The following KCNN2 variants were observed in gnomAD, a reference collection of about 807,000 sequenced individuals.
KCNN2 encodes the protein potassium calcium-activated channel subfamily N member 2.
In KCNN2, 24 loss-of-function variants were observed where a neutral mutation model predicts 55.5. The ratio of observed to expected loss-of-function variants is 0.43; its 90% CI spans 0.31 to 0.61. The LOEUF (loss-of-function observed/expected upper bound fraction) is 0.61. Ranked by LOEUF, KCNN2 falls within the 20% of genes least tolerant of loss-of-function variation. KCNN2 has a pLI of 0.08. For synonymous variants in KCNN2, 431 were observed against 336.1 expected (o/e 1.28, Z -3.09); for missense variants, 754 against 853.6 (o/e 0.88, Z 1.45).
chr5:114,080,908 G>T (rs1750799753), intron 1 of KCNN2, among the ~76,000 whole-genome samples: 1 of 152,078 alleles, frequency 6.6e-6, no homozygotes, highest in Admixed American at 6.6e-5. Context: ...TTCAGAGATG[G>T]TATGATCTTA....
chr5:114,474,721 T>C (rs1271225515), intron 5 of KCNN2, among the ~76,000 whole-genome samples: 1 of 152,154 alleles, frequency 6.6e-6, no homozygotes, highest in Non-Finnish European at 1.5e-5. Flanking sequence ...GAGTCACAAG[T>C]TTTATAATAT....
intron 1 of KCNN2, among the ~76,000 whole-genome samples, chr5:114,139,822 G>A (rs1182942839): frequency 6.6e-6 from 1 of 151,304 alleles, no homozygotes; most frequent in African/African-American, 2.4e-5. Context: ...ATAGATGTTT[G>A]TGTATAATAT....
At chr5:114,414,772 G>A (rs1490156738) in intron 3 of KCNN2, among the ~76,000 whole-genome samples, 1 of 152,086 alleles carries the variant, frequency 6.6e-6, no homozygotes, top group Non-Finnish European at 1.5e-5. Context: ...ATGATTTTTG[G>A]TTACAGTGTA....
intron 1 of KCNN2, among the ~76,000 whole-genome samples, chr5:114,094,705 C>T (rs753306568): frequency 5.3e-5 from 8 of 152,116 alleles, no homozygotes; most frequent in Non-Finnish European, 8.8e-5. Flanking sequence ...GTACCAAAAC[C>T]GGTTTATAAA....
chr5:114,324,922 C>G (rs912621170), intron 2 of KCNN2, among the ~76,000 whole-genome samples: 9 of 152,060 alleles, frequency 5.9e-5, no homozygotes, highest in Non-Finnish European at 8.8e-5. Context: ...ACATAAATGG[C>G]CTTAGAGAAT....
chr5:114,411,158 T>C (rs1759119123), intron 3 of KCNN2, among the ~76,000 whole-genome samples: 1 of 152,194 alleles, frequency 6.6e-6, no homozygotes, highest in Admixed American at 6.5e-5. Flanking sequence ...CTTAAAAGTA[T>C]ATTTTGTTCT....
At chr5:114,284,099 C>A (rs3101065) in intron 2 of KCNN2, among the ~76,000 whole-genome samples, 136,475 of 152,164 alleles carry the variant, frequency 0.9, 61,601 homozygotes, top group Middle Eastern at 0.94. Context: ...AACTCCACCC[C>A]TCTCAGGTGC....
intron 2 of KCNN2, among the ~76,000 whole-genome samples, chr5:114,343,522 T>TA (rs759702389): frequency 2.6e-5 from 4 of 152,084 alleles, no homozygotes; most frequent in Non-Finnish European, 5.9e-5. Flanking sequence ...AAATTTTCCA[T>TA]AAAAAATAAT....
intron 1 of KCNN2, among the ~76,000 whole-genome samples, chr5:114,091,887 T>G (rs1387958834): frequency 6.6e-6 from 1 of 152,162 alleles, no homozygotes. Flanking sequence ...ATGGGGATTT[T>G]GGGGATTATG....
At chr5:114,108,567 A>G (rs968346389) in intron 1 of KCNN2, among the ~76,000 whole-genome samples, 18 of 152,076 alleles carry the variant, frequency 1.2e-4, no homozygotes, top group African/African-American at 3.4e-4. Flanking sequence ...CACAGATTAC[A>G]TTAGTTTTTC....
At chr5:114,451,748 T>C (rs1458042406) in intron 3 of KCNN2, among the ~76,000 whole-genome samples, 7 of 151,146 alleles carry the variant, frequency 4.6e-5, no homozygotes, top group Admixed American at 4.6e-4. Context: ...TACAAAAAAA[T>C]TAGCCAGGCA....
intron 4 of KCNN2, among the ~76,000 whole-genome samples, chr5:114,465,615 CAA>C (rs574328581): frequency 1.6e-5 from 2 of 122,524 alleles, no homozygotes; most frequent in African/African-American, 2.9e-5. Context: ...TCCATCATCT[CAA>C]AAAAAAAAAA....
At chr5:114,204,142 A>G (rs946113920) in intron 1 of KCNN2, among the ~76,000 whole-genome samples, 2 of 152,098 alleles carry the variant, frequency 1.3e-5, no homozygotes, top group African/African-American at 4.8e-5. Flanking sequence ...TTGCATAAGG[A>G]ACTAGAAAAA....
chr5:114,094,690 T>C (rs1751220707), intron 1 of KCNN2, among the ~76,000 whole-genome samples: 1 of 152,184 alleles, frequency 6.6e-6, no homozygotes, highest in Non-Finnish European at 1.5e-5. Flanking sequence ...GAAGAAACAC[T>C]TTAAGTACCA....
At chr5:114,482,928 G>A (rs1246374353) in intron 5 of KCNN2, among the ~76,000 whole-genome samples, 4 of 151,968 alleles carry the variant, frequency 2.6e-5, no homozygotes, top group African/African-American at 7.2e-5. Context: ...GCTAATGGAC[G>A]CTGGGTTTAA....
intron 2 of KCNN2, among the ~76,000 whole-genome samples, chr5:114,321,317 A>C (rs1161083986): frequency 6.6e-6 from 1 of 152,136 alleles, no homozygotes. Context: ...CCCAAACTCC[A>C]AGACTCCCAA....
chr5:114,252,788 TGA>T (rs1040819529), intron 2 of KCNN2, among the ~76,000 whole-genome samples: 58 of 29,806 alleles, frequency 1.9e-3, no homozygotes, highest in Non-Finnish European at 2.4e-3. Context: ...TGTGTGTGTG[TGA>T]GAGAGAGAGA....
intron 1 of KCNN2, among the ~76,000 whole-genome samples, chr5:114,191,212 C>A (rs930848057): frequency 2.0e-5 from 3 of 152,048 alleles, no homozygotes; most frequent in Non-Finnish European, 4.4e-5. Flanking sequence ...TTTTGAAGAT[C>A]AAAAGTGAGA....
Position 114,432,287 on chromosome 5 carries a change from C to T in KCNN2, c.1637+27431C>T, listed in dbSNP as rs1335477363. On this transcript the variant is annotated intron_variant, in intron 3 of 7. Coordinates refer to ENST00000673685, the MANE Select transcript of KCNN2 (RefSeq NM_021614.4). ...CCACACCCAATAAGGATTGTTATGT[C>T]TCCTTGGAAGATTGACCTTTTAACA... is the stretch of plus-strand genomic sequence containing the variant. Among the ~76,000 whole-genome samples the T allele has an allele frequency of 2.0e-5, 3 of 152,218 alleles. No homozygotes were observed. In the South Asian group the frequency reaches 6.2e-4, roughly 32 times the overall value.
Sources: allele counts gnomAD v4.1 joint callset (sites outside exome capture counted in the v4.1 genomes callset), GRCh38; gene constraint gnomAD v4.1.1; transcripts MANE v1.5; gene names NCBI Gene and HGNC (gene_info 2026-07-23, HGNC 2026-07-21).